The following DPP6 variants were observed in gnomAD, a reference collection of about 807,000 sequenced individuals.
The protein encoded by DPP6 is A-type potassium channel modulatory protein DPP6.
Under a neutral mutation model 122.6 loss-of-function variants are expected in DPP6, and 69 were observed. The ratio of observed to expected loss-of-function variants is 0.56; its 90% CI spans 0.46 to 0.69. The LOEUF is 0.69. Ranked by LOEUF, DPP6 falls within the 30% of genes least tolerant of loss-of-function variation. DPP6 has a pLI of 0.00. For missense variants in DPP6, 928 were observed against 1,116.9 expected, an observed-to-expected ratio of 0.83 and a Z score of 2.41; for synonymous variants, 418 against 433.1, an observed-to-expected ratio of 0.97 and a Z score of 0.43.
At chr7:154,399,280 C>T (rs1050113084) in intron 1 of DPP6, among the ~76,000 whole-genome samples, 4 of 152,144 alleles carry the variant, frequency 2.6e-5, no homozygotes, top group Admixed American at 1.3e-4. Flanking sequence ...TTACTGATTT[C>T]GTTTAAACAG....
intron 3 of DPP6, among the ~76,000 whole-genome samples, chr7:154,540,048 A>G (rs1828592585): frequency 2.6e-5 from 4 of 151,902 alleles, no homozygotes. Flanking sequence ...TATAGATTCA[A>G]AGGTATTCAT....
chr7:154,151,184 C>T (rs1203887612), intron 1 of DPP6, among the ~76,000 whole-genome samples: 1 of 152,178 alleles, frequency 6.6e-6, no homozygotes, highest in Non-Finnish European at 1.5e-5. Context: ...CAATATGTGT[C>T]CCACCTGCCG....
At chr7:154,796,327 G>A (rs920309962) in intron 12 of DPP6, 19 of 158,936 alleles carry the variant, frequency 1.2e-4, no homozygotes, top group Non-Finnish European at 2.1e-4. Flanking sequence ...CGTAAGACCC[G>A]TCCTCAGGGA....
At chr7:153,955,864 T>C (rs535479907) in intron 1 of DPP6, among the ~76,000 whole-genome samples, 3 of 152,338 alleles carry the variant, frequency 2.0e-5, no homozygotes, top group African/African-American at 7.2e-5. Context: ...GTCTACACTC[T>C]TAACCCATGT....
At chr7:153,810,875 A>C in the DPP6 span, among the ~76,000 whole-genome samples, 3 of 152,210 alleles carry the variant, frequency 2.0e-5, no homozygotes, top group Admixed American at 1.3e-4. Flanking sequence ...CCATAGCCTC[A>C]GAACAAATCA....
intron 6 of DPP6, among the ~76,000 whole-genome samples, chr7:154,643,748 G>A (rs911281078): frequency 3.9e-5 from 6 of 152,130 alleles, no homozygotes; most frequent in African/African-American, 4.8e-5. Flanking sequence ...GATTACAGGC[G>A]TGAAGTGAGG....
intron 1 of DPP6, among the ~76,000 whole-genome samples, chr7:154,126,676 T>C (rs1368923778): frequency 1.3e-5 from 2 of 151,394 alleles, no homozygotes; most frequent in Non-Finnish European, 2.9e-5. Context: ...CATGCTTCAG[T>C]CTCTGCTTGA....
chr7:154,200,805 T>G (rs1467968651), intron 1 of DPP6, among the ~76,000 whole-genome samples: 1 of 152,204 alleles, frequency 6.6e-6, no homozygotes, highest in East Asian at 1.9e-4. Flanking sequence ...CCTAGAAAGT[T>G]AGCCCCGCCT....
At chr7:154,461,175 G>A (rs144896210) in intron 2 of DPP6, among the ~76,000 whole-genome samples, 394 of 152,270 alleles carry the variant, frequency 2.6e-3, no homozygotes, top group Middle Eastern at 0.01. Flanking sequence ...TTTCATTCAT[G>A]TTGTTGCAAA....
At chr7:154,836,556 T>C (rs550449293) in intron 16 of DPP6, among the ~76,000 whole-genome samples, 1 of 152,360 alleles carries the variant, frequency 6.6e-6, no homozygotes, top group Admixed American at 6.5e-5. Context: ...GTTACAAAAA[T>C]ATTTCATTGT....
At chr7:153,943,787 G>T (rs763532483) in intron 1 of DPP6, among the ~76,000 whole-genome samples, 5 of 152,192 alleles carry the variant, frequency 3.3e-5, no homozygotes, top group African/African-American at 1.2e-4. Flanking sequence ...CCCTAAGCTA[G>T]CAGTGTTTAA....
At chr7:154,305,012 GCCCCCT>G (rs1193112805) in intron 1 of DPP6, 1 of 156,288 alleles carries the variant, frequency 6.4e-6, no homozygotes, top group Admixed American at 6.6e-5. Context: ...TGCCTCCGCG[GCCCCCT>G]CCCCAGCCCC....
chr7:154,467,387 T>C (rs1821879982), intron 2 of DPP6, among the ~76,000 whole-genome samples: 1 of 152,178 alleles, frequency 6.6e-6, no homozygotes, highest in Admixed American at 6.5e-5. Flanking sequence ...TTCTAATGGT[T>C]CAGCACCATC....
intron 1 of DPP6, among the ~76,000 whole-genome samples, chr7:154,384,252 A>G (rs1162297784): frequency 6.6e-6 from 1 of 152,132 alleles, no homozygotes; most frequent in Non-Finnish European, 1.5e-5. Context: ...CAGGAAGATT[A>G]TTGTTTATTT....
At chr7:154,394,298 G>C (rs1193645094) in intron 1 of DPP6, among the ~76,000 whole-genome samples, 1 of 152,100 alleles carries the variant, frequency 6.6e-6, no homozygotes, top group Non-Finnish European at 1.5e-5. Flanking sequence ...TCCTACTAAA[G>C]AGGATCTCAT....
intron 22 of DPP6, 69 bp from the exon 23 acceptor site, chr7:154,887,606 TA>T: frequency 6.5e-7 from 1 of 1,540,292 alleles, no homozygotes; most frequent in Non-Finnish European, 9.0e-7. Flanking sequence ...GGGCCCTCCC[TA>T]GAGTTTGGGG....
chr7:154,561,357 A>G (rs548661082), intron 4 of DPP6, among the ~76,000 whole-genome samples: 105 of 152,350 alleles, frequency 6.9e-4, no homozygotes, highest in Middle Eastern at 3.4e-3. Flanking sequence ...GGGCCATTAA[A>G]CAAGTCTCAA....
chr7:154,030,516 C>T (rs1458796931), intron 1 of DPP6, among the ~76,000 whole-genome samples: 1 of 152,112 alleles, frequency 6.6e-6, no homozygotes, highest in Non-Finnish European at 1.5e-5. Context: ...CTCGTGAGCT[C>T]CTGCATCATA....
intron 16 of DPP6, among the ~76,000 whole-genome samples, chr7:154,823,885 T>C (rs1338980059): frequency 6.6e-6 from 1 of 152,210 alleles, no homozygotes; most frequent in African/African-American, 2.4e-5. Flanking sequence ...CTCCATGCAG[T>C]GGTGCTGATG....
Sources: gnomAD v4.1 joint callset for allele counts (sites outside exome capture counted in the v4.1 genomes callset) on GRCh38, gnomAD v4.1.1 for gene constraint, MANE v1.5 for transcripts, NCBI Gene and HGNC (gene_info 2026-07-23, HGNC 2026-07-21) for gene names.